ELMO1: variants seen among roughly 807,000 people sequenced by gnomAD.
The protein encoded by ELMO1 is engulfment and cell motility protein 1.
A neutral mutation model predicts 98.9 loss-of-function variants in ELMO1; 26 were observed. The observed-to-expected ratio is 0.26, with a 90% confidence interval of 0.19 to 0.36. ELMO1 has a LOEUF of 0.36. Among genes scored for constraint, ELMO1 ranks in the 10% least tolerant of loss-of-function variants. ELMO1 has a pLI of 1.00. For synonymous variants in ELMO1, 346 were observed against 346.0 expected, an observed-to-expected ratio of 1.00 and a Z score of 0.00; for missense variants, 627 against 935.2, an observed-to-expected ratio of 0.67 and a Z score of 4.30.
intron 18 of ELMO1, among the ~76,000 whole-genome samples, chr7:36,878,528 A>C (rs1280947431): frequency 6.6e-6 from 1 of 152,200 alleles, no homozygotes; most frequent in East Asian, 1.9e-4. Flanking sequence ...CCTCTCTGAG[A>C]ATTTCAGACT....
intron 3 of ELMO1, 45 bp from the exon 4 acceptor site, chr7:37,314,967 A>G: frequency 1.3e-6 from 2 of 1,567,498 alleles, no homozygotes; most frequent in Non-Finnish European, 1.7e-6. Flanking sequence ...GAAAGTGGCC[A>G]TTTTCATTTT....
At chr7:37,156,746 G>A (rs1391261367) in intron 13 of ELMO1, among the ~76,000 whole-genome samples, 2 of 152,172 alleles carry the variant, frequency 1.3e-5, no homozygotes, top group Non-Finnish European at 2.9e-5. Context: ...GTACAAAGAG[G>A]AGCTGGTACC....
At chr7:37,099,483 T>C (rs1469952474) in intron 14 of ELMO1, among the ~76,000 whole-genome samples, 1 of 152,220 alleles carries the variant, frequency 6.6e-6, no homozygotes, top group South Asian at 2.1e-4. Context: ...ATTTTTCATC[T>C]TTATTTTCCC....
At chr7:36,978,993 G>GA (rs1256265077) in intron 16 of ELMO1, among the ~76,000 whole-genome samples, 3 of 152,222 alleles carry the variant, frequency 2.0e-5, no homozygotes, top group South Asian at 2.1e-4. Flanking sequence ...TTATCCAGGA[G>GA]AAAAAATACT....
At chr7:37,060,902 G>C (rs1035644757) in intron 15 of ELMO1, among the ~76,000 whole-genome samples, 1 of 152,138 alleles carries the variant, frequency 6.6e-6, no homozygotes, top group African/African-American at 2.4e-5. Context: ...GGGGAGGACA[G>C]AGACACAGAA....
At chr7:37,208,735 A>G (rs942051382) in intron 13 of ELMO1, among the ~76,000 whole-genome samples, 1 of 152,232 alleles carries the variant, frequency 6.6e-6, no homozygotes, top group Non-Finnish European at 1.5e-5. Flanking sequence ...AAGTGAAAAT[A>G]TCTGCTTGTC....
At chr7:37,121,892 C>T (rs1323451505) in intron 14 of ELMO1, among the ~76,000 whole-genome samples, 6 of 152,164 alleles carry the variant, frequency 3.9e-5, no homozygotes, top group Non-Finnish European at 7.3e-5. Context: ...AGAGAAAGGA[C>T]GGGTTACCCA....
chr7:37,062,915 C>T (rs1796743932), intron 15 of ELMO1, among the ~76,000 whole-genome samples: 1 of 152,102 alleles, frequency 6.6e-6, no homozygotes, highest in Non-Finnish European at 1.5e-5. Flanking sequence ...GAAAGGTTTC[C>T]TTCAACTGGT....
At chr7:37,042,344 G>T (rs1342794319) in intron 15 of ELMO1, among the ~76,000 whole-genome samples, 1 of 152,000 alleles carries the variant, frequency 6.6e-6, no homozygotes, top group South Asian at 2.1e-4. Context: ...AACCCAGTTT[G>T]TATGGGGCAC....
chr7:37,344,035 T>TTTC (rs1800860526), intron 1 of ELMO1, among the ~76,000 whole-genome samples: 1 of 148,140 alleles, frequency 6.8e-6, no homozygotes, highest in African/African-American at 2.5e-5. Flanking sequence ...AAGGCAGCAT[T>TTTC]TTTTTTTTTT....
At chr7:37,209,483 T>C (rs1189584336) in intron 13 of ELMO1, among the ~76,000 whole-genome samples, 1 of 152,226 alleles carries the variant, frequency 6.6e-6, no homozygotes, top group Non-Finnish European at 1.5e-5. Flanking sequence ...AGGAGGACGA[T>C]AAAATTGCAG....
intron 6 of ELMO1, among the ~76,000 whole-genome samples, chr7:37,257,786 G>A (rs1234298923): frequency 1.3e-5 from 2 of 151,146 alleles, no homozygotes; most frequent in African/African-American, 2.4e-5. Flanking sequence ...CGGATCACGA[G>A]GTCAAGAGAT....
intron 16 of ELMO1, among the ~76,000 whole-genome samples, chr7:36,991,485 G>C (rs1382679991): frequency 6.6e-6 from 1 of 152,142 alleles, no homozygotes; most frequent in Non-Finnish European, 1.5e-5. Flanking sequence ...GGGCTGACCA[G>C]TATACAGTTA....
intron 16 of ELMO1, among the ~76,000 whole-genome samples, chr7:36,910,684 T>C (rs1784282585): frequency 6.6e-6 from 1 of 152,166 alleles, no homozygotes; most frequent in Admixed American, 6.5e-5. Context: ...AGTGCAGACC[T>C]TGCACTGTAG....
intron 16 of ELMO1, among the ~76,000 whole-genome samples, chr7:36,946,550 G>A (rs1787503681): frequency 6.6e-6 from 1 of 152,210 alleles, no homozygotes; most frequent in East Asian, 1.9e-4. Context: ...AACCACCTCT[G>A]TGTTTGTGTT....
intron 4 of ELMO1, among the ~76,000 whole-genome samples, chr7:37,313,313 C>T (rs1380262741): frequency 6.6e-6 from 1 of 152,184 alleles, no homozygotes; most frequent in Non-Finnish European, 1.5e-5. Flanking sequence ...CAACCTCCGC[C>T]TCCCAGGTCC....
At chr7:37,024,174 C>T (rs750217449) in intron 15 of ELMO1, among the ~76,000 whole-genome samples, 6 of 152,128 alleles carry the variant, frequency 3.9e-5, no homozygotes, top group South Asian at 2.1e-4. Flanking sequence ...AAGACGGTCA[C>T]GAGCATGGCC....
At chr7:37,306,571 A>C (rs1054197226) in intron 4 of ELMO1, among the ~76,000 whole-genome samples, 1 of 152,194 alleles carries the variant, frequency 6.6e-6, no homozygotes, top group African/African-American at 2.4e-5. Flanking sequence ...GTTCCACTGG[A>C]AAGTGTTTGA....
chr7:37,428,045 G>GTGTGTGTA (rs1279980385), intron 1 of ELMO1, among the ~76,000 whole-genome samples: 1 of 151,718 alleles, frequency 6.6e-6, no homozygotes, highest in African/African-American at 2.4e-5. Flanking sequence ...GTGTGTGTGT[G>GTGTGTGTA]TGTGTGTGTG....
Sources: gnomAD v4.1 joint callset for allele counts (sites outside exome capture counted in the v4.1 genomes callset) on GRCh38, gnomAD v4.1.1 for gene constraint, MANE v1.5 for transcripts, NCBI Gene and HGNC (gene_info 2026-07-23, HGNC 2026-07-21) for gene names.